Variants in PLXDC2 observed in about 807,000 individuals in gnomAD.
PLXDC2 encodes the protein plexin domain-containing protein 2.
PLXDC2 carries 40 observed loss-of-function variants against 68.9 expected under a neutral mutation model. The ratio of observed to expected loss-of-function variants is 0.58; its 90% CI spans 0.45 to 0.76. The LOEUF is 0.76. PLXDC2 is among the 30% of genes least tolerant of loss of function. The pLI, the probability that PLXDC2 is intolerant of heterozygous loss-of-function variation, is 0.00. For synonymous variants in PLXDC2, 243 were observed against 234.2 expected, an observed-to-expected ratio of 1.04 and a Z score of -0.34; for missense variants, 644 against 661.9, an observed-to-expected ratio of 0.97 and a Z score of 0.30.
chr10:20,016,850 C>T (rs1589588048), intron 2 of PLXDC2, among the ~76,000 whole-genome samples: 1 of 152,162 alleles, frequency 6.6e-6, no homozygotes, highest in Non-Finnish European at 1.5e-5. Flanking sequence ...CAGCCTCACT[C>T]CTTGCGGAAT....
At chr10:19,870,915 G>T (rs140488566) in intron 1 of PLXDC2, among the ~76,000 whole-genome samples, 8 of 152,338 alleles carry the variant, frequency 5.3e-5, no homozygotes, top group Non-Finnish European at 7.3e-5. Flanking sequence ...AGCAAAGCAG[G>T]TTCCATCAGG....
At chr10:20,083,241 C>G (rs553208013) in intron 4 of PLXDC2, among the ~76,000 whole-genome samples, 1 of 151,590 alleles carries the variant, frequency 6.6e-6, no homozygotes, top group Admixed American at 6.6e-5. Context: ...TTTGGGAGGC[C>G]AAGGCGGGTG....
chr10:20,074,202 C>G (rs926705576), intron 4 of PLXDC2, among the ~76,000 whole-genome samples: 1 of 152,066 alleles, frequency 6.6e-6, no homozygotes, highest in Non-Finnish European at 1.5e-5. Flanking sequence ...AAGAATTTGC[C>G]TTCCCTTTCT....
At chr10:19,944,469 T>C (rs1833868609) in intron 1 of PLXDC2, among the ~76,000 whole-genome samples, 1 of 152,008 alleles carries the variant, frequency 6.6e-6, no homozygotes, top group African/African-American at 2.4e-5. Flanking sequence ...AAGTTCATGT[T>C]TGTTAAAAGA....
intron 13 of PLXDC2, among the ~76,000 whole-genome samples, chr10:20,274,415 C>T (rs1238905632): frequency 6.6e-6 from 1 of 152,144 alleles, no homozygotes; most frequent in Non-Finnish European, 1.5e-5. Context: ...CAGTTTTCAT[C>T]TTGCACATGA....
At chr10:20,197,874 T>G (rs1224695024) in intron 9 of PLXDC2, among the ~76,000 whole-genome samples, 1 of 152,194 alleles carries the variant, frequency 6.6e-6, no homozygotes, top group African/African-American at 2.4e-5. Context: ...TCAGCCATAC[T>G]CTGGTTAGTG....
chr10:20,093,715 C>T (rs1415181422), intron 4 of PLXDC2, among the ~76,000 whole-genome samples: 1 of 152,128 alleles, frequency 6.6e-6, no homozygotes, highest in African/African-American at 2.4e-5. Context: ...ACTTCATTGC[C>T]CAGGCTGTAG....
intron 1 of PLXDC2, among the ~76,000 whole-genome samples, chr10:19,859,037 A>C (rs928057826): frequency 6.6e-6 from 1 of 151,410 alleles, no homozygotes; most frequent in Non-Finnish European, 1.5e-5. Context: ...AGAGAGAGAG[A>C]GAGAGAGAGA....
intron 4 of PLXDC2, among the ~76,000 whole-genome samples, chr10:20,081,721 C>T (rs1836562026): frequency 6.6e-6 from 1 of 152,036 alleles, no homozygotes; most frequent in Non-Finnish European, 1.5e-5. Context: ...CAGTATTCCT[C>T]AACTGTCCAG....
intron 1 of PLXDC2, among the ~76,000 whole-genome samples, chr10:19,994,786 A>AT (rs1834814877): frequency 6.6e-6 from 1 of 151,216 alleles, no homozygotes. Flanking sequence ...TCTGTTACCC[A>AT]GGCTGGGGTC....
At chr10:19,995,131 A>C (rs1834821807) in intron 1 of PLXDC2, among the ~76,000 whole-genome samples, 1 of 152,216 alleles carries the variant, frequency 6.6e-6, no homozygotes, top group Non-Finnish European at 1.5e-5. Flanking sequence ...TAAATAAGCT[A>C]GAGTCTCTAT....
At chr10:20,181,345 G>T (rs1834600730) in intron 9 of PLXDC2, among the ~76,000 whole-genome samples, 1 of 151,994 alleles carries the variant, frequency 6.6e-6, no homozygotes, top group African/African-American at 2.4e-5. Flanking sequence ...GGTAGTTAGA[G>T]CTATAATCAA....
chr10:19,882,456 G>A (rs922080653), intron 1 of PLXDC2, among the ~76,000 whole-genome samples: 1 of 152,114 alleles, frequency 6.6e-6, no homozygotes, highest in Non-Finnish European at 1.5e-5. Flanking sequence ...AAAGGAAGAG[G>A]TTAGTGAAGT....
intron 13 of PLXDC2, among the ~76,000 whole-genome samples, chr10:20,266,689 A>C (rs144291178): frequency 5.3e-4 from 80 of 152,244 alleles, no homozygotes; most frequent in African/African-American, 1.8e-3. Context: ...AATAGGTAGA[A>C]ATGACTGATC....
chr10:20,030,933 C>T (rs1350635152), intron 2 of PLXDC2, among the ~76,000 whole-genome samples: 1 of 151,696 alleles, frequency 6.6e-6, no homozygotes, highest in African/African-American at 2.4e-5. Context: ...TGTGAATAAA[C>T]CCAAATTTAG....
At chr10:20,210,364 T>C (rs1835052391) in intron 9 of PLXDC2, among the ~76,000 whole-genome samples, 1 of 152,162 alleles carries the variant, frequency 6.6e-6, no homozygotes, top group Non-Finnish European at 1.5e-5. Context: ...TTTCAGACCA[T>C]AGTTAACCAT....
chr10:20,080,775 C>T (rs552225069), intron 4 of PLXDC2, among the ~76,000 whole-genome samples: 2 of 152,284 alleles, frequency 1.3e-5, no homozygotes, highest in East Asian at 3.9e-4. Flanking sequence ...ATCAAGTTGA[C>T]CCCATCACAC....
At chr10:19,864,942 A>G (rs1837386393) in intron 1 of PLXDC2, among the ~76,000 whole-genome samples, 1 of 152,222 alleles carries the variant, frequency 6.6e-6, no homozygotes, top group African/African-American at 2.4e-5. Context: ...AGAGAAAGCC[A>G]GGAAGAGAGG....
intron 12 of PLXDC2, among the ~76,000 whole-genome samples, chr10:20,233,128 G>C (rs951802831): frequency 2.0e-5 from 3 of 151,968 alleles, no homozygotes; most frequent in Non-Finnish European, 4.4e-5. Context: ...TAGTTGATGC[G>C]AGTTGTATAG....
Sources: gnomAD v4.1 joint callset for allele counts (sites outside exome capture counted in the v4.1 genomes callset) on GRCh38, gnomAD v4.1.1 for gene constraint, MANE v1.5 for transcripts, NCBI Gene and HGNC (gene_info 2026-07-23, HGNC 2026-07-21) for gene names.